Variants in TNC observed in about 807,000 individuals in gnomAD.
TNC encodes tenascin C.
In TNC, 109 loss-of-function variants were observed where a neutral mutation model predicts 202.4. The ratio of observed to expected loss-of-function variants is 0.54; its 90% CI spans 0.46 to 0.63. The LOEUF (loss-of-function observed/expected upper bound fraction) is 0.63. Among genes scored for constraint, TNC ranks in the 30% least tolerant of loss-of-function variants. The probability of loss-of-function intolerance (pLI) is 0.00; values close to 1 mark genes in which losing one functional copy is unlikely to be tolerated. For synonymous variants in TNC, 1,007 were observed against 1,089.7 expected (o/e 0.92, Z 1.50); for missense variants, 2,756 against 2,833.3 (o/e 0.97, Z 0.62).
intron 10 of TNC, among the ~76,000 whole-genome samples, chr9:115,068,254 A>C (rs180947842): frequency 1.1e-3 from 170 of 152,332 alleles, no homozygotes; most frequent in Non-Finnish European, 1.9e-3. Context: ...ACAGCTGTGC[A>C]CTGGAATCTA....
chr9:115,068,764 A>G (rs2132814501), intron 10 of TNC, among the ~76,000 whole-genome samples: 1 of 152,308 alleles, frequency 6.6e-6, no homozygotes, highest in Non-Finnish European at 1.5e-5. Flanking sequence ...TTCAGATGCT[A>G]TTCCCTTTGC....
chr9:115,077,789 A>T (rs1833989634), intron 7 of TNC, among the ~76,000 whole-genome samples, 154 bp downstream of exon 7: 2 of 152,246 alleles, frequency 1.3e-5, no homozygotes, highest in African/African-American at 4.8e-5. Context: ...TTAATTAATA[A>T]ATTGCTACAA....
chr9:115,064,192 T>C (rs1352615124), intron 11 of TNC, 124 bp from the exon 12 acceptor site: 11 of 964,460 alleles, frequency 1.1e-5, no homozygotes, highest in African/African-American at 1.6e-5. Flanking sequence ...TAGATAAACA[T>C]GCATCATGCA....
At chr9:115,044,273 AAC>A (rs1554795216) in intron 17 of TNC, among the ~76,000 whole-genome samples, 2 of 151,442 alleles carry the variant, frequency 1.3e-5, no homozygotes, top group African/African-American at 4.9e-5. Flanking sequence ...AAAAAAAAAA[AAC>A]AAAAGGGGAA....
intron 1 of TNC, among the ~76,000 whole-genome samples, chr9:115,097,084 C>T (rs1001857057): frequency 2.6e-5 from 4 of 152,204 alleles, no homozygotes; most frequent in Admixed American, 6.5e-5. Flanking sequence ...TATCCTTCAG[C>T]CATCTAAACA....
At chr9:115,091,819 GC>G (rs908561192) in intron 1 of TNC, among the ~76,000 whole-genome samples, 5 of 152,166 alleles carry the variant, frequency 3.3e-5, no homozygotes, top group African/African-American at 1.2e-4. Flanking sequence ...CTACTCCTCT[GC>G]ACCTCAGTTT....
At chr9:115,075,445 C>T (rs747258878) in intron 9 of TNC, among the ~76,000 whole-genome samples, 5 of 152,184 alleles carry the variant, frequency 3.3e-5, no homozygotes, top group East Asian at 3.9e-4. Flanking sequence ...TGATTACCAA[C>T]TTACACATGT....
chr9:115,085,803 C>A, intron 3 of TNC, 61 bp downstream of exon 3: 1 of 1,464,386 alleles, frequency 6.8e-7, no homozygotes, highest in Non-Finnish European at 9.2e-7. Flanking sequence ...AGTTTTCCAA[C>A]CCATACTAGG....
At chr9:115,104,370 G>T (rs1282432106) in intron 1 of TNC, among the ~76,000 whole-genome samples, 1 of 152,174 alleles carries the variant, frequency 6.6e-6, no homozygotes, top group Non-Finnish European at 1.5e-5. Context: ...CTGAATAGGG[G>T]TCTGTGAGAT....
At chr9:115,104,490 T>A (rs1056722306) in intron 1 of TNC, among the ~76,000 whole-genome samples, 1 of 152,196 alleles carries the variant, frequency 6.6e-6, no homozygotes, top group Non-Finnish European at 1.5e-5. Flanking sequence ...GGGCATTGCC[T>A]TTAGAGTCAG....
chr9:115,070,800 A>G (rs567439193), intron 10 of TNC, among the ~76,000 whole-genome samples: 1 of 152,354 alleles, frequency 6.6e-6, no homozygotes, highest in South Asian at 2.1e-4. Flanking sequence ...ACTTATAGCC[A>G]CATGGCTCCT....
At chr9:115,034,884 C>T (rs1830202987) in intron 22 of TNC, among the ~76,000 whole-genome samples, 1 of 152,114 alleles carries the variant, frequency 6.6e-6, no homozygotes, top group Admixed American at 6.5e-5. Context: ...ATACATATGG[C>T]AAACATGCAG....
intron 27 of TNC, among the ~76,000 whole-genome samples, chr9:115,023,431 G>C (rs574183284): frequency 1.3e-5 from 2 of 152,344 alleles, no homozygotes; most frequent in Non-Finnish European, 2.9e-5. Context: ...GATTGTAGAA[G>C]TGCTAGAGGT....
intron 1 of TNC, among the ~76,000 whole-genome samples, chr9:115,102,830 C>G (rs929429528): frequency 3.3e-5 from 5 of 152,140 alleles, no homozygotes; most frequent in African/African-American, 9.7e-5. Context: ...AACACTTTAT[C>G]TAGAACATAG....
intron 27 of TNC, among the ~76,000 whole-genome samples, chr9:115,021,757 A>G (rs903286255): frequency 6.6e-6 from 1 of 152,236 alleles, no homozygotes; most frequent in African/African-American, 2.4e-5. Flanking sequence ...ACAATTTGAC[A>G]TATAGGGTTA....
chr9:115,059,626 C>A, intron 14 of TNC, 104 bp downstream of exon 14: 1 of 1,259,742 alleles, frequency 7.9e-7, no homozygotes, highest in Non-Finnish European at 1.1e-6. Context: ...CTGAAAGGCA[C>A]ATGAAAAGGA....
At chr9:115,096,005 C>T (rs963981387) in intron 1 of TNC, among the ~76,000 whole-genome samples, 9 of 152,186 alleles carry the variant, frequency 5.9e-5, no homozygotes, top group East Asian at 3.9e-4. Flanking sequence ...GCATGTTGTG[C>T]TGCTTTTTGC....
In TNC at chr9:115,064,673, G is replaced by C. The variant is rs759500775; in HGVS notation, c.3461C>G (p.Pro1154Arg). The C allele has an allele frequency of 3.7e-6, 6 of 1,612,614 alleles. No individual in the cohort carries two copies. Among genetic ancestry groups the C allele is most frequent in the Admixed American group, 3.3e-5 (2 of 59,964 alleles). The change falls in exon 11 of 28, where the codon CCA becomes CGA. Residue 1154 changes from proline (P) to arginine (R), a missense_variant. Pro to Arg is a moderately radical substitution (Grantham distance 103). Around this residue, in one of 2 missense-constraint regions of TNC, gnomAD observed 2,559 missense variants for 2,546.0 expected, o/e 1.01. Coordinates refer to ENST00000350763, the MANE Select transcript of TNC (RefSeq NM_002160.4). ...TGTGGAGGCCTCAGCAGAGAGCACT[G>C]GTGTTCTATAGCCCTGGATCACCCC... ...IYGVIQGYRTPVLSAEASTGE... is the reference protein window; with the variant it reads ...IYGVIQGYRTRVLSAEASTGE...
In TNC at chr9:115,090,615, G is replaced by A; in HGVS notation, c.404C>T (p.Ser135Phe). The change falls in exon 2 of 28, where the codon TCC becomes TTC. Residue 135 changes from serine (S) to phenylalanine (F), a missense_variant. Coordinates refer to ENST00000350763, the MANE Select transcript of TNC (RefSeq NM_002160.4). Reference sequence around the variant, plus strand: ...TCCTGCAGTACATTGCTCCCTCAGGGAAGACACCAGGTTCTCCAGCTCCTC... The same window carrying A: ...TCCTGCAGTACATTGCTCCCTCAGGAAAGACACCAGGTTCTCCAGCTCCTC... ...RLEELENLVSSLREQCTAGAG... is the reference protein window; with the variant it reads ...RLEELENLVSFLREQCTAGAG... 2 of 1,606,216 alleles carry A rather than the reference G, an allele frequency of 1.2e-6. No individual in the cohort carries two copies. Among genetic ancestry groups the A allele is most frequent in the South Asian group, 1.1e-5 (1 of 89,668 alleles).
Sources: allele counts gnomAD v4.1 joint callset (sites outside exome capture counted in the v4.1 genomes callset), GRCh38; gene constraint gnomAD v4.1.1; regional missense constraint gnomAD v4.1.1; transcripts MANE v1.5; gene names NCBI Gene and HGNC (gene_info 2026-07-23, HGNC 2026-07-21).